Variants in ARHGEF33 observed in about 807,000 individuals in gnomAD.
ARHGEF33 encodes the protein Rho guanine nucleotide exchange factor 33.
Under a neutral mutation model 101.9 loss-of-function variants are expected in ARHGEF33, and 72 were observed. That is an observed-to-expected ratio of 0.71 (90% CI 0.58 to 0.86). The LOEUF is 0.86. Ranked by LOEUF, ARHGEF33 falls within the 40% of genes least tolerant of loss-of-function variation. ARHGEF33 has a pLI of 0.00. For synonymous variants in ARHGEF33, 499 were observed against 442.5 expected (o/e 1.13, Z -1.60); for missense variants, 1,169 against 1,111.3 (o/e 1.05, Z -0.74).
At chr2:38,900,678 C>G (rs761924465) in intron 2 of ARHGEF33, among the ~76,000 whole-genome samples, 1 of 152,072 alleles carries the variant, frequency 6.6e-6, no homozygotes, top group Non-Finnish European at 1.5e-5. Flanking sequence ...GAGGAGCAGT[C>G]CCATAGGATA....
Position 38,960,348 on chromosome 2 carries a change from G to A in ARHGEF33, c.2043G>A (p.Thr681=), listed in dbSNP as rs1051519278. Residue 681 remains threonine (T), a synonymous_variant, in exon 16 of 18, where the codon ACG becomes ACA. Transcript: ENST00000409978. ...TGCAGCCGCTGCCCAAGAGCGCTAC[G>A]TCGCCGGCGGGCAGCAGCAGCGCCT... The part of the protein sequence containing the change: ...HPLQPLPKSA[T]SPAGSSSAYK... 1 of 1,533,266 alleles carries A rather than the reference G, an allele frequency of 6.5e-7. No homozygotes were observed. The highest frequency in any genetic ancestry group is 8.7e-7 in the Non-Finnish European group (1 of 1,143,428). 95.0% of individuals were successfully genotyped at this position (1,533,266 alleles called of 1,614,324 possible). A position where few individuals can be genotyped will look rare whatever the true frequency, so the allele number is the denominator to read the frequency against.
intron 7 of ARHGEF33, among the ~76,000 whole-genome samples, chr2:38,932,113 T>G (rs1667018459): frequency 6.6e-6 from 1 of 152,228 alleles, no homozygotes; most frequent in Non-Finnish European, 1.5e-5. Context: ...ATTTGCCTTT[T>G]TAATATTTTT....
intron 10 of ARHGEF33, among the ~76,000 whole-genome samples, chr2:38,948,433 T>C (rs1572768399): frequency 1.3e-5 from 2 of 152,192 alleles, no homozygotes; most frequent in East Asian, 3.9e-4. Flanking sequence ...GTCATCCCGG[T>C]GGGCAGTCCA....
intron 2 of ARHGEF33, among the ~76,000 whole-genome samples, chr2:38,903,632 G>C (rs1464467614): frequency 6.6e-6 from 1 of 152,134 alleles, no homozygotes; most frequent in Admixed American, 6.5e-5. Context: ...GAAAAGGATT[G>C]AGTTTGCTTC....
intron 9 of ARHGEF33, among the ~76,000 whole-genome samples, chr2:38,941,572 G>C (rs1667308292): frequency 6.7e-6 from 1 of 150,162 alleles, no homozygotes; most frequent in Admixed American, 6.6e-5. Flanking sequence ...TTTTGAGACG[G>C]AGTCTTGCAC....
intron 2 of ARHGEF33, among the ~76,000 whole-genome samples, chr2:38,901,012 C>G (rs1448492888): frequency 6.6e-6 from 1 of 152,122 alleles, no homozygotes. Context: ...CAGACTCAGC[C>G]TTCTTTGAAG....
In ARHGEF33 at chr2:38,968,281, G is replaced by C. The variant is rs539497383; in HGVS notation, c.2483+2136G>C. ...TCATGGGATGCCTCTGGTCAGGGAT[G>C]CTATGAAAGTGGTGCCTGCATGGAG... On this transcript the variant is annotated intron_variant, in intron 17 of 17. Transcript: ENST00000409978. Among the ~76,000 whole-genome samples, 4 of 152,304 alleles carry C rather than the reference G, an allele frequency of 2.6e-5. No individual in the cohort carries two copies. The South Asian group carries it at 6.2e-4, about 24-fold the overall frequency.
intron 14 of ARHGEF33, among the ~76,000 whole-genome samples, chr2:38,957,720 A>G (rs747253376): frequency 6.6e-6 from 1 of 152,158 alleles, no homozygotes; most frequent in Non-Finnish European, 1.5e-5. Flanking sequence ...GTGGAGGAGA[A>G]CAACCATTTC....
chr2:38,915,876 G>A (rs1004488305), intron 2 of ARHGEF33, among the ~76,000 whole-genome samples: 2 of 152,060 alleles, frequency 1.3e-5, no homozygotes, highest in Non-Finnish European at 2.9e-5. Context: ...AAAGTGAAAA[G>A]TTAGCCATGA....
intron 7 of ARHGEF33, among the ~76,000 whole-genome samples, chr2:38,934,786 T>C (rs1036280007): frequency 2.7e-4 from 41 of 150,268 alleles, no homozygotes; most frequent in Admixed American, 2.6e-3. Context: ...AAGCAGACAA[T>C]AAACAAGATA....
intron 2 of ARHGEF33, among the ~76,000 whole-genome samples, chr2:38,899,315 T>C (rs1224506368): frequency 2.0e-5 from 3 of 152,146 alleles, no homozygotes; most frequent in Admixed American, 1.3e-4. Context: ...TTAAGTAAAA[T>C]TGCTAGTATA....
chr2:38,930,988 C>G (rs376702939), intron 6 of ARHGEF33, 121 bp from the exon 7 acceptor site: 1 of 702,460 alleles, frequency 1.4e-6, no homozygotes. Flanking sequence ...TCAAAAATAG[C>G]AATTTATATA....
chr2:38,953,991 G>T (rs775405085), intron 12 of ARHGEF33, among the ~76,000 whole-genome samples: 1 of 152,212 alleles, frequency 6.6e-6, no homozygotes, highest in African/African-American at 2.4e-5. Flanking sequence ...GTCCTGAAGC[G>T]CCAAGTCTCC....
chr2:38,955,749 T>C (rs182061072), intron 13 of ARHGEF33, among the ~76,000 whole-genome samples: 1 of 152,086 alleles, frequency 6.6e-6, no homozygotes, highest in South Asian at 2.1e-4. Flanking sequence ...TGATCTCAGC[T>C]CACTGCAACC....
chr2:38,945,009 T>G (rs1325816834), intron 10 of ARHGEF33, among the ~76,000 whole-genome samples: 2 of 151,928 alleles, frequency 1.3e-5, no homozygotes, highest in African/African-American at 4.8e-5. Context: ...CCCTCTCTGT[T>G]GAGAGAAAGC....
intron 10 of ARHGEF33, among the ~76,000 whole-genome samples, chr2:38,948,303 C>T (rs182596116): frequency 3.3e-5 from 5 of 152,298 alleles, no homozygotes; most frequent in East Asian, 3.9e-4. Flanking sequence ...GTTTAAAGCC[C>T]GTTTTCAATG....
intron 13 of ARHGEF33, among the ~76,000 whole-genome samples, chr2:38,956,370 A>G (rs1667767860): frequency 6.6e-6 from 1 of 152,216 alleles, no homozygotes; most frequent in Non-Finnish European, 1.5e-5. Context: ...TAAATGAGAT[A>G]ATATACATAA....
At chr2:38,937,311 C>CTTG in intron 8 of ARHGEF33, 24 bp from the exon 9 acceptor site, 1 of 583,934 alleles carries the variant, frequency 1.7e-6, no homozygotes, top group Non-Finnish European at 3.0e-6. Context: ...CTTTGTTTCC[C>CTTG]CGCCCCTCCC....
intron 5 of ARHGEF33, among the ~76,000 whole-genome samples, chr2:38,929,406 C>G (rs890674332): frequency 6.6e-6 from 1 of 150,976 alleles, no homozygotes; most frequent in African/African-American, 2.4e-5. Context: ...CCAGCCTGGG[C>G]GACAGAGCAA....
Sources: allele counts gnomAD v4.1 joint callset (sites outside exome capture counted in the v4.1 genomes callset), GRCh38; gene constraint gnomAD v4.1.1; transcripts MANE v1.5; gene names NCBI Gene and HGNC (gene_info 2026-07-23, HGNC 2026-07-21).